Variants in ANKMY1 observed in about 807,000 individuals in gnomAD.
The protein encoded by ANKMY1 is ankyrin repeat and MYND domain containing 1.
A neutral mutation model predicts 102.0 loss-of-function variants in ANKMY1; 98 were observed. The ratio of observed to expected loss-of-function variants is 0.96; its 90% CI spans 0.82 to 1.14. The LOEUF is 1.14. ANKMY1 is among the 50% of genes most tolerant of loss of function. The probability of loss-of-function intolerance (pLI) is 0.00; values close to 1 mark genes in which losing one functional copy is unlikely to be tolerated. For missense variants in ANKMY1, 1,330 were observed against 1,347.6 expected (o/e 0.99, Z 0.20); for synonymous variants, 582 against 559.9 (o/e 1.04, Z -0.56).
At chr2:240,542,756 T>C (rs1021782000) in intron 4 of ANKMY1, among the ~76,000 whole-genome samples, 2 of 149,304 alleles carry the variant, frequency 1.3e-5, no homozygotes, top group African/African-American at 2.4e-5. Flanking sequence ...ATTTATTATG[T>C]TATAGGTTGA....
At chr2:240,478,938 G>A (rs1264311197), downstream of ANKMY1, among the ~76,000 whole-genome samples, 2 of 152,018 alleles carry the variant, frequency 1.3e-5, no homozygotes, top group African/African-American at 4.8e-5. Context: ...CTCCAGGTCC[G>A]CCCCTCACTG....
chr2:240,475,273 C>A (rs2074779571), downstream of ANKMY1, among the ~76,000 whole-genome samples: 1 of 151,868 alleles, frequency 6.6e-6, no homozygotes, highest in South Asian at 2.1e-4. Context: ...AAAAGTTCCA[C>A]CAAAAAACCT....
intron 4 of ANKMY1, among the ~76,000 whole-genome samples, chr2:240,549,091 A>C (rs1344040790): frequency 6.6e-6 from 1 of 151,462 alleles, no homozygotes; most frequent in Non-Finnish European, 1.5e-5. Flanking sequence ...AGCTGGAGGC[A>C]TCACACTACC....
intron 3 of ANKMY1, 107 bp downstream of exon 3, chr2:240,554,759 T>A: frequency 7.6e-7 from 1 of 1,322,576 alleles, no homozygotes; most frequent in Non-Finnish European, 1.1e-6. Flanking sequence ...CCTAGCACCC[T>A]TCCTGTTGAT....
At chr2:240,478,894 C>T (rs1047164021), downstream of ANKMY1, among the ~76,000 whole-genome samples, 1 of 152,284 alleles carries the variant, frequency 6.6e-6, no homozygotes, top group East Asian at 1.9e-4. Context: ...TCCCTGGACG[C>T]TGTCCCCTTG....
At chr2:240,536,610 T>G (rs2086815772) in intron 4 of ANKMY1, among the ~76,000 whole-genome samples, 2 of 152,200 alleles carry the variant, frequency 1.3e-5, no homozygotes, top group African/African-American at 4.8e-5. Flanking sequence ...AGACCCTGTC[T>G]CTAAAAACAA....
At chr2:240,545,711 A>C (rs1323634478) in intron 4 of ANKMY1, among the ~76,000 whole-genome samples, 2 of 152,234 alleles carry the variant, frequency 1.3e-5, no homozygotes, top group African/African-American at 4.8e-5. Flanking sequence ...TACGTGAAGA[A>C]TGCAGAAGCC....
intron 4 of ANKMY1, among the ~76,000 whole-genome samples, chr2:240,546,117 C>T (rs369923794): frequency 2.0e-5 from 3 of 152,110 alleles, no homozygotes; most frequent in Non-Finnish European, 2.9e-5. Flanking sequence ...AGAGAAAGGT[C>T]GGGTTACCCT....
chr2:240,541,887 T>C (rs2088943288), intron 4 of ANKMY1, among the ~76,000 whole-genome samples: 1 of 152,110 alleles, frequency 6.6e-6, no homozygotes, highest in South Asian at 2.1e-4. Context: ...CAAGTGCTCT[T>C]TGGGGTCTGG....
Position 240,524,037 on chromosome 2 carries a change from G to C in ANKMY1, c.1680C>G (p.Asn560Lys). 1 of 1,613,972 alleles carries C rather than the reference G, an allele frequency of 6.2e-7. No homozygotes were observed. Among genetic ancestry groups the C allele is most frequent in the Non-Finnish European group, 8.5e-7 (1 of 1,180,014 alleles). Residue 560 changes from asparagine (N) to lysine (K), a missense_variant, in exon 8 of 18, where the codon AAC becomes AAG. By Grantham distance (94) the Asn-to-Lys change is moderately conservative. Transcript: ENST00000401804. ...CGATGGAGAAGTCGCACACACACACGTTGGACTCAAATTTCGTCTCAGCAC... is the reference window on the plus strand; with the variant it reads ...CGATGGAGAAGTCGCACACACACACCTTGGACTCAAATTTCGTCTCAGCAC... ...LCSAETKFESNVCVCDFSIEL... is the reference protein window; with the variant it reads ...LCSAETKFESKVCVCDFSIEL...
chr2:240,481,292 T>C (rs951932726), intron 16 of ANKMY1, among the ~76,000 whole-genome samples, 195 bp from the exon 17 acceptor site: 7 of 152,034 alleles, frequency 4.6e-5, no homozygotes, highest in Admixed American at 1.3e-4. Context: ...TTCAGCACAG[T>C]GATATTTAGA....
Position 240,553,010 on chromosome 2 carries a change from G to A in ANKMY1, c.384C>T (p.Thr128=). The A allele has an allele frequency of 2.5e-6, 4 of 1,614,016 alleles. No individual in the cohort carries two copies. The highest frequency in any genetic ancestry group is 2.2e-5 in the South Asian group (2 of 91,054). The change falls in exon 4 of 18, where the codon ACC becomes ACT. Residue 128 remains threonine (T), a synonymous_variant. Transcript: ENST00000401804. ...FYRDHCHGLG[T]YMWPDGSSFT... The stretch of plus-strand genomic sequence containing the variant: ...AACTGGAGCCATCTGGCCACATGTA[G>A]GTACCCAGGCCATGGCAGTGGTCCC...
chr2:240,520,562 C>G lies in ANKMY1; in HGVS notation c.1833-29G>C, dbSNP rs147930062. The G allele has an allele frequency of 5.6e-6, 9 of 1,596,168 alleles. No individual in the cohort carries two copies. The highest frequency in any genetic ancestry group is 3.5e-4 in the Middle Eastern group (2 of 5,754). ...AAAAAGACGGTGCGCCCGTGGGCCC[C>G]TGGAGGGCAGGCACCTGCACTGCGC... On this transcript the variant is annotated intron_variant, in intron 8 of 17. Coordinates refer to ENST00000401804, the MANE Select transcript of ANKMY1 (RefSeq NM_001282771.3). The surrounding 1 kb of genome is among the most constrained non-coding windows in gnomAD (Gnocchi z 4.8).
rs772299517 is a variant in ANKMY1, at chr2:240,553,075, T to C, written c.337-18A>G. 1 of 1,610,366 alleles carries C rather than the reference T, an allele frequency of 6.2e-7. No homozygotes were observed. Among genetic ancestry groups the C allele is most frequent in the Non-Finnish European group, 8.5e-7 (1 of 1,177,368 alleles). ...TGGTATGACTGTGAGATGGAGAAGT[T>C]GGTGAGAAATTGCTGCTCTTCCAGA... On this transcript the variant is annotated intron_variant, in intron 3 of 17. Coordinates refer to ENST00000401804, the MANE Select transcript of ANKMY1 (RefSeq NM_001282771.3).
At chr2:240,546,930 T>C (rs1052679287) in intron 4 of ANKMY1, among the ~76,000 whole-genome samples, 9 of 152,110 alleles carry the variant, frequency 5.9e-5, no homozygotes, top group African/African-American at 9.7e-5. Flanking sequence ...TAACACCCCA[T>C]TGTCAACATT....
intron 15 of ANKMY1, among the ~76,000 whole-genome samples, chr2:240,486,863 T>C (rs537703852): frequency 6.6e-6 from 1 of 152,300 alleles, no homozygotes; most frequent in South Asian, 2.1e-4. Context: ...GAGTCTCCTC[T>C]AACAACCCTC....
At chr2:240,528,848 C>T (rs1303019925) in intron 5 of ANKMY1, among the ~76,000 whole-genome samples, 189 bp downstream of exon 5, 1 of 152,142 alleles carries the variant, frequency 6.6e-6, no homozygotes, top group African/African-American at 2.4e-5. Context: ...GGCCTGCCTC[C>T]CAGCTCGAGT....
At chr2:240,472,820 G>T in the ANKMY1 span, among the ~76,000 whole-genome samples, 1 of 152,132 alleles carries the variant, frequency 6.6e-6, no homozygotes, top group Non-Finnish European at 1.5e-5. Flanking sequence ...GAATAATAAA[G>T]AATCAGGCCA....
intron 15 of ANKMY1, among the ~76,000 whole-genome samples, chr2:240,488,148 T>C (rs148282151): frequency 7.3e-4 from 111 of 152,326 alleles, no homozygotes; most frequent in African/African-American, 2.6e-3. Context: ...TATTTTTATA[T>C]ATGGTGAGAG....
Sources: allele counts gnomAD v4.1 joint callset (sites outside exome capture counted in the v4.1 genomes callset), GRCh38; gene constraint gnomAD v4.1.1; non-coding constraint Gnocchi (gnomAD v3.1); transcripts MANE v1.5; gene names NCBI Gene and HGNC (gene_info 2026-07-23, HGNC 2026-07-21).